Variants in STARD9 observed in about 807,000 individuals in gnomAD.
STARD9 encodes the protein stAR-related lipid transfer protein 9.
In STARD9, 346 loss-of-function variants were observed where a neutral mutation model predicts 399.8. The ratio of observed to expected loss-of-function variants is 0.87; its 90% CI spans 0.79 to 0.95. The LOEUF (loss-of-function observed/expected upper bound fraction) is 0.95. STARD9 is among the 40% of genes least tolerant of loss of function. The pLI, the probability that STARD9 is intolerant of heterozygous loss-of-function variation, is 0.00. For synonymous variants in STARD9, 2,203 were observed against 2,143.5 expected (o/e 1.03, Z -0.77); for missense variants, 5,832 against 5,667.5 (o/e 1.03, Z -0.93).
chr15:42,687,950 C>CT lies in STARD9; in HGVS notation c.6375dup (p.Arg2126Ter). 1 of 1,537,376 alleles carries CT rather than the reference C, an allele frequency of 6.5e-7. No homozygotes were observed. The highest frequency in any genetic ancestry group is 8.7e-7 in the Non-Finnish European group (1 of 1,146,970). On this transcript the variant is annotated frameshift_variant, in exon 23 of 33. Transcript: ENST00000290607. LOFTEE classifies it high-confidence loss of function. ...CTCCAAGACAGACAGATGATACTGTCTTTAGGGATAGTGAAGCTGGAGCGA... is the reference window on the plus strand; with the variant it reads ...CTCCAAGACAGACAGATGATACTGTCTTTTAGGGATAGTGAAGCTGGAGCGA...
intron 26 of STARD9, among the ~76,000 whole-genome samples, chr15:42,700,201 T>C (rs2060935874): frequency 6.6e-6 from 1 of 152,240 alleles, no homozygotes; most frequent in South Asian, 2.1e-4. Context: ...TTTAGGTTGA[T>C]TTCATCTCTT....
intron 3 of STARD9, among the ~76,000 whole-genome samples, chr15:42,599,147 C>T (rs1006093660): frequency 6.6e-6 from 1 of 152,192 alleles, no homozygotes; most frequent in Non-Finnish European, 1.5e-5. Flanking sequence ...TGGCCTCAAA[C>T]TCCTGACCTC....
chr15:42,617,951 G>C (rs2059006515), intron 3 of STARD9, among the ~76,000 whole-genome samples: 1 of 151,788 alleles, frequency 6.6e-6, no homozygotes, highest in South Asian at 2.1e-4. Flanking sequence ...GTACATACGG[G>C]GTCCCACTAT....
rs2141780436 is a variant in STARD9 at position 42,606,412 on chromosome 15, C to T, written c.234+20775C>T. Reference sequence around the variant, plus strand: ...GAATATAGAACATGTGTTTTCAAGCCTCTCTATTGGCCCCTCTCTCTGAGA... The same window carrying T: ...GAATATAGAACATGTGTTTTCAAGCTTCTCTATTGGCCCCTCTCTCTGAGA... On this transcript the variant is annotated intron_variant, in intron 3 of 32. Transcript: ENST00000290607. 2.0e-5 allele frequency among the ~76,000 whole-genome samples: 3 copies of T among 152,238 alleles called. No individual in the cohort carries two copies. The South Asian group carries it at 6.2e-4, about 32-fold the overall frequency.
In STARD9 at chr15:42,575,621, G is replaced by T. The variant is rs1047046724; in HGVS notation, c.-95G>T. On this transcript the variant is annotated 5_prime_UTR_variant, in exon 1 of 33. Coordinates refer to ENST00000290607, the MANE Select transcript of STARD9 (RefSeq NM_020759.3). Reference sequence around the variant, plus strand: ...CGGCGTCCCCAGAGGCGCGTGGGGCGGGCGGGGCTGGGTTGGGGCTGTGTC... The same window carrying T: ...CGGCGTCCCCAGAGGCGCGTGGGGCTGGCGGGGCTGGGTTGGGGCTGTGTC... The T allele has an allele frequency of 1.4e-4, 196 of 1,360,362 alleles. No homozygotes were observed. The highest frequency in any genetic ancestry group is 1.9e-4 in the Non-Finnish European group (190 of 1,002,750). The allele number at this position is 1,360,362 out of a possible 1,614,324, so 84.3% of individuals were successfully genotyped here.
chr15:42,625,725 G>A (rs2059193248), intron 3 of STARD9, among the ~76,000 whole-genome samples: 1 of 145,384 alleles, frequency 6.9e-6, no homozygotes, highest in Admixed American at 7.2e-5. Context: ...GTTTTTAATA[G>A]CAATTTCAGT....
chr15:42,695,255 C>T lies in STARD9; in HGVS notation c.13078C>T (p.Gln4360Ter). The T allele has an allele frequency of 6.5e-7, 1 of 1,537,190 alleles. No individual in the cohort carries two copies. The highest frequency in any genetic ancestry group is 1.2e-5 in the South Asian group (1 of 84,054). Residue 4360 changes from glutamine (Q) to a stop codon, truncating the protein, a stop_gained, in exon 25 of 33, where the codon CAA becomes TAA. Coordinates refer to ENST00000290607, the MANE Select transcript of STARD9 (RefSeq NM_020759.3). LOFTEE classifies it high-confidence loss of function. ...AKVEIARARD[Q>*]LRERTEQEKL... ...GGTGGAGATTGCCCGGGCCCGAGAC[C>T]AACTGCGGGAGCGGACTGAACAAGA...
At chr15:42,647,656 T>C (rs915014818) in intron 7 of STARD9, among the ~76,000 whole-genome samples, 1 of 152,188 alleles carries the variant, frequency 6.6e-6, no homozygotes, top group Non-Finnish European at 1.5e-5. Flanking sequence ...AAAATTTTCC[T>C]TTTGCTTTGT....
In STARD9 at chr15:42,693,332, G is replaced by GACCCTCTCAGCCCCTTCA; in HGVS notation, c.11757_11774dup (p.Leu3920_Thr3925dup). 1 of 1,537,056 alleles carries GACCCTCTCAGCCCCTTCA rather than the reference G, an allele frequency of 6.5e-7. No homozygotes were observed. The highest frequency in any genetic ancestry group is 1.4e-5 in the African/African-American group (1 of 73,096). ...AGCCGGGTCTTTCCCCAGGCTCTTT[G>GACCCTCTCAGCCCCTTCA]ACCCTCTCAGCCCCTTCAACTCACC... On this transcript the variant is annotated inframe_insertion, in exon 23 of 33. Transcript: ENST00000290607.
chr15:42,626,804 G>C (rs1008784896), intron 3 of STARD9, among the ~76,000 whole-genome samples: 1 of 151,378 alleles, frequency 6.6e-6, no homozygotes, highest in African/African-American at 2.4e-5. Flanking sequence ...GAGCCACCGC[G>C]CCTGGCCATC....
At chr15:42,624,580 C>T (rs1410797581) in intron 3 of STARD9, among the ~76,000 whole-genome samples, 1 of 151,408 alleles carries the variant, frequency 6.6e-6, no homozygotes, top group Non-Finnish European at 1.5e-5. Flanking sequence ...ACAGAGTCTC[C>T]CTCTGTCATC....
chr15:42,644,621 G>A (rs1273392338), intron 7 of STARD9, among the ~76,000 whole-genome samples: 4 of 152,090 alleles, frequency 2.6e-5, no homozygotes, highest in East Asian at 1.9e-4. Flanking sequence ...TGATGATGGC[G>A]GCTGACTGAT....
At position 42,643,389 on chromosome 15, in the gene STARD9, T is replaced by A. The variant is rs192855523; in HGVS notation, c.559+4577T>A. 5.1e-3 allele frequency among the ~76,000 whole-genome samples: 778 copies of A among 152,210 alleles called. 6 individuals carry two copies. Among genetic ancestry groups the A allele is most frequent in the African/African-American group, 0.018 (735 of 41,528 alleles). ...TTTTGGATTTTTAGTAGAGACGGGG[T>A]TTCACCATATTGGTCAGGCTGGTCT... On this transcript the variant is annotated intron_variant, in intron 7 of 32. Transcript: ENST00000290607.
At chr15:42,651,210 A>G in intron 8 of STARD9, 125 bp downstream of exon 8, 1 of 589,700 alleles carries the variant, frequency 1.7e-6, no homozygotes, top group African/African-American at 1.9e-5. Context: ...GTTCACAACC[A>G]GGAGGCTCTT....
Position 42,692,645 on chromosome 15 carries a change from C to G in STARD9, c.11067C>G (p.His3689Gln). ...CTCTCCACCTCTCACAGCTCCTGCA[C>G]AGTACCTCAGAGCTGCTTGGGAGTC... is the stretch of plus-strand genomic sequence containing the variant. ...NLSLHLSQLL[H>Q]STSELLGSLS... The change falls in exon 23 of 33, where the codon CAC (histidine) becomes CAG (glutamine). Residue 3689 changes from histidine (H) to glutamine (Q), a missense_variant. Physicochemically the swap from His to Gln is conservative, Grantham distance 24. Around this residue, in one of 2 missense-constraint regions of STARD9, gnomAD observed 5,828 missense variants for 5,651.1 expected, o/e 1.03. Coordinates refer to ENST00000290607, the MANE Select transcript of STARD9 (RefSeq NM_020759.3). The G allele has an allele frequency of 6.5e-7, 1 of 1,537,216 alleles. No homozygotes were observed. Among genetic ancestry groups the G allele is most frequent in the Non-Finnish European group, 8.7e-7 (1 of 1,146,922 alleles).
Position 42,675,929 on chromosome 15 carries a change from C to A in STARD9, c.1828C>A (p.Leu610Ile). Reference sequence around the variant, plus strand: ...GGAGTGGCTGGATTTGGATGGAGATCTCGCTGCCTCCCGGCTGGGTCTCTC... The same window carrying A: ...GGAGTGGCTGGATTTGGATGGAGATATCGCTGCCTCCCGGCTGGGTCTCTC... ...SLEWLDLDGDLAASRLGLSPL... is the reference protein window; with the variant it reads ...SLEWLDLDGDIAASRLGLSPL... The change falls in exon 20 of 33, where the codon CTC (leucine) becomes ATC (isoleucine). Residue 610 changes from leucine (L) to isoleucine (I), a missense_variant. Leu to Ile is a conservative substitution (Grantham distance 5). Transcript: ENST00000290607. 1 of 1,537,032 alleles carries A rather than the reference C, an allele frequency of 6.5e-7. No individual in the cohort carries two copies. The highest frequency in any genetic ancestry group is 1.2e-5 in the South Asian group (1 of 84,052).
intron 9 of STARD9, among the ~76,000 whole-genome samples, chr15:42,658,317 G>GTA (rs780397577): frequency 7.5e-6 from 1 of 133,036 alleles, no homozygotes; most frequent in Non-Finnish European, 1.6e-5. Context: ...GTGTGTGTGT[G>GTA]TACACTTACA....
intron 2 of STARD9, among the ~76,000 whole-genome samples, chr15:42,584,051 C>A (rs1313873379): frequency 6.6e-6 from 1 of 151,996 alleles, no homozygotes; most frequent in Non-Finnish European, 1.5e-5. Context: ...ACTCCATTTA[C>A]CAGGCAAACA....
intron 3 of STARD9, among the ~76,000 whole-genome samples, chr15:42,608,698 A>C (rs1303831109): frequency 6.6e-6 from 1 of 152,242 alleles, no homozygotes; most frequent in Non-Finnish European, 1.5e-5. Flanking sequence ...ACAGGACCCA[A>C]TACCAAAAGG....
Sources: allele counts gnomAD v4.1 joint callset (sites outside exome capture counted in the v4.1 genomes callset), GRCh38; gene constraint gnomAD v4.1.1; regional missense constraint gnomAD v4.1.1; transcripts MANE v1.5; gene names NCBI Gene and HGNC (gene_info 2026-07-23, HGNC 2026-07-21).